CNRIP1: variants seen among roughly 807,000 people sequenced by gnomAD.
CNRIP1 encodes cannabinoid receptor interacting protein 1.
In CNRIP1, 10 loss-of-function variants were observed where a neutral mutation model predicts 15.2. The ratio of observed to expected loss-of-function variants is 0.66; its 90% confidence interval spans 0.41 to 1.12. CNRIP1 has a LOEUF of 1.12. Among genes scored for constraint, CNRIP1 ranks in the 50% most tolerant of loss-of-function variants. The probability of loss-of-function intolerance (pLI) is 0.00; values close to 1 mark genes in which losing one functional copy is unlikely to be tolerated. For synonymous variants in CNRIP1, 91 were observed against 83.2 expected (o/e 1.09, Z -0.51); for missense variants, 211 against 214.7 (o/e 0.98, Z 0.11).
At chr2:68,296,277 G>T (rs1370060427) in intron 2 of CNRIP1, among the ~76,000 whole-genome samples, 2 of 152,194 alleles carry the variant, frequency 1.3e-5, no homozygotes, top group Non-Finnish European at 2.9e-5. Flanking sequence ...AACTTGGCTA[G>T]GTGCAGCAGC....
intron 2 of CNRIP1, among the ~76,000 whole-genome samples, chr2:68,297,697 G>A (rs916558191): frequency 1.3e-5 from 2 of 151,320 alleles, no homozygotes; most frequent in African/African-American, 4.9e-5. Context: ...ACAACTTAGT[G>A]ACAATTTCTG....
intron 2 of CNRIP1, among the ~76,000 whole-genome samples, chr2:68,310,996 GA>G (rs1287135622): frequency 6.6e-6 from 1 of 152,030 alleles, no homozygotes; most frequent in African/African-American, 2.4e-5. Flanking sequence ...CTAATCTGAA[GA>G]TCCATTAAAA....
chr2:68,302,500 G>A (rs1221450064), intron 2 of CNRIP1, among the ~76,000 whole-genome samples: 1 of 152,210 alleles, frequency 6.6e-6, no homozygotes, highest in Non-Finnish European at 1.5e-5. Flanking sequence ...TGGGGTTTGA[G>A]AGGCATAAAG....
Position 68,293,676 on chromosome 2 carries a change from C to A in CNRIP1, c.*186G>T. 1 of 1,354,726 alleles carries A rather than the reference C, an allele frequency of 7.4e-7. No homozygotes were observed. Among genetic ancestry groups the A allele is most frequent in the East Asian group, 2.7e-5 (1 of 37,230 alleles). 83.9% of individuals were successfully genotyped at this position (1,354,726 alleles called of 1,614,324 possible). On this transcript the variant is annotated 3_prime_UTR_variant, in exon 3 of 3. Transcript: ENST00000263655. ...GAATATTCTCGGGAGTGGTACATCA[C>A]CATCTTGTATGTGAGGGATATTGTG...
chr2:68,311,155 T>C (rs558900002), intron 2 of CNRIP1, among the ~76,000 whole-genome samples: 5 of 152,270 alleles, frequency 3.3e-5, no homozygotes, highest in Non-Finnish European at 7.4e-5. Context: ...TACTCCAATT[T>C]TGGTGAAAAC....
At chr2:68,294,545 G>A (rs1323671195) in intron 2 of CNRIP1, among the ~76,000 whole-genome samples, 2 of 152,152 alleles carry the variant, frequency 1.3e-5, no homozygotes, top group East Asian at 1.9e-4. Context: ...AAGGGGAATG[G>A]CGAAGGGAAG....
At chr2:68,287,776 T>A (rs1218404030) in intron 2 of CNRIP1, among the ~76,000 whole-genome samples, 1 of 152,246 alleles carries the variant, frequency 6.6e-6, no homozygotes, top group African/African-American at 2.4e-5. Context: ...GATCCTATCA[T>A]GTGCCTCGAC....
chr2:68,298,057 A>G (rs1016205830), intron 2 of CNRIP1, among the ~76,000 whole-genome samples: 2 of 152,194 alleles, frequency 1.3e-5, no homozygotes, highest in Non-Finnish European at 2.9e-5. Context: ...ACAGCCTGCA[A>G]GCCTAAGGGA....
intron 2 of CNRIP1, among the ~76,000 whole-genome samples, chr2:68,299,609 A>G (rs1486768160): frequency 6.6e-6 from 1 of 152,206 alleles, no homozygotes; most frequent in Non-Finnish European, 1.5e-5. Context: ...TCATCCATCC[A>G]ATCTATGGCA....
intron 2 of CNRIP1, among the ~76,000 whole-genome samples, chr2:68,308,119 G>A (rs1671927782): frequency 6.6e-6 from 1 of 152,058 alleles, no homozygotes; most frequent in Non-Finnish European, 1.5e-5. Flanking sequence ...CTTGAGCCCA[G>A]GAGTTTGAGG....
intron 2 of CNRIP1, among the ~76,000 whole-genome samples, chr2:68,314,599 G>T (rs998976427): frequency 6.6e-6 from 1 of 151,968 alleles, no homozygotes; most frequent in Non-Finnish European, 1.5e-5. Context: ...AAGATGATTT[G>T]CTGAAAAATT....
downstream of CNRIP1, among the ~76,000 whole-genome samples, chr2:68,288,792 C>G (rs747282234): frequency 1.3e-5 from 2 of 152,124 alleles, no homozygotes; most frequent in Non-Finnish European, 2.9e-5. Flanking sequence ...GGCAAAACTA[C>G]CAGGTTATAA....
chr2:68,287,150 T>A (rs1167261262), intron 2 of CNRIP1, among the ~76,000 whole-genome samples: 1 of 152,198 alleles, frequency 6.6e-6, no homozygotes, highest in East Asian at 1.9e-4. Context: ...CAGGAAATGA[T>A]TTCTTAGAAC....
chr2:68,306,398 T>C (rs1236603607), intron 2 of CNRIP1, among the ~76,000 whole-genome samples: 2 of 151,932 alleles, frequency 1.3e-5, no homozygotes, highest in African/African-American at 2.4e-5. Flanking sequence ...CCTAGACATA[T>C]CTGAACTCGT....
chr2:68,311,495 C>T (rs531211027), intron 2 of CNRIP1, among the ~76,000 whole-genome samples: 11 of 152,000 alleles, frequency 7.2e-5, no homozygotes, highest in South Asian at 4.2e-4. Flanking sequence ...AAGAGTAGGT[C>T]GGGCGCGGCA....
intron 2 of CNRIP1, among the ~76,000 whole-genome samples, chr2:68,301,715 C>T (rs554645900): frequency 6.6e-6 from 1 of 152,050 alleles, no homozygotes; most frequent in African/African-American, 2.4e-5. Context: ...CACAGTGAAA[C>T]CCCGTCTCTA....
chr2:68,319,344 A>T lies in CNRIP1; in HGVS notation c.57T>A (p.Asn19Lys). The change falls in exon 1 of 3, where the codon AAT becomes AAA. Residue 19 changes from asparagine to lysine, a missense_variant. Coordinates refer to ENST00000263655, the MANE Select transcript of CNRIP1 (RefSeq NM_015463.3). ...RLSIALRIQP[N>K]DGPVFYKVDG... ...CCACCTTGTAAAAGACCGGGCCGTC[A>T]TTAGGCTGGATGCGCAGCGCGATGG... 5 of 1,579,266 alleles carry T rather than the reference A, an allele frequency of 3.2e-6. No homozygotes were observed. The highest frequency in any genetic ancestry group is 4.3e-6 in the Non-Finnish European group (5 of 1,162,762).
chr2:68,287,501 T>C (rs760832415), intron 2 of CNRIP1, among the ~76,000 whole-genome samples: 18 of 152,358 alleles, frequency 1.2e-4, no homozygotes, highest in Non-Finnish European at 2.1e-4. Context: ...CACGATAAAA[T>C]ATTGGGAGAA....
At chr2:68,285,305 A>G (rs902040612) in intron 2 of CNRIP1, among the ~76,000 whole-genome samples, 1 of 150,878 alleles carries the variant, frequency 6.6e-6, no homozygotes, top group African/African-American at 2.4e-5. Flanking sequence ...CCCTCCCAAG[A>G]TAGACAAGCT....
Sources: gnomAD v4.1 joint callset for allele counts (sites outside exome capture counted in the v4.1 genomes callset) on GRCh38, gnomAD v4.1.1 for gene constraint, MANE v1.5 for transcripts, NCBI Gene and HGNC (gene_info 2026-07-23, HGNC 2026-07-21) for gene names.